CDCA7L: variants seen among roughly 807,000 people sequenced by gnomAD.
The protein encoded by CDCA7L is cell division cycle associated 7 like.
Under a neutral mutation model 57.4 loss-of-function variants are expected in CDCA7L, and 44 were observed. The ratio of observed to expected loss-of-function variants is 0.77; its 90% CI spans 0.60 to 0.98. CDCA7L has a LOEUF of 0.98. Ranked by LOEUF, CDCA7L falls within the 50% of genes least tolerant of loss-of-function variation. CDCA7L has a pLI of 0.00. For missense variants in CDCA7L, 644 were observed against 580.6 expected, an observed-to-expected ratio of 1.11 and a Z score of -1.12; for synonymous variants, 236 against 202.8, an observed-to-expected ratio of 1.16 and a Z score of -1.39.
chr7:21,902,699 T>TGTTTGTTCCTTCC (rs1445356563), intron 9 of CDCA7L: 2 of 488,970 alleles, frequency 4.1e-6, no homozygotes, highest in Non-Finnish European at 7.3e-6. Flanking sequence ...CTGCCTTGTT[T>TGTTTGTTCCTTCC]GTTTGTTCCT....
At chr7:21,916,609 A>G in intron 2 of CDCA7L, 145 bp downstream of exon 2, 1 of 721,844 alleles carries the variant, frequency 1.4e-6, no homozygotes, top group Non-Finnish European at 2.3e-6. Flanking sequence ...TTAAAACAGG[A>G]AGACACAGAC....
chr7:21,942,800 A>C, intron 1 of CDCA7L, among the ~76,000 whole-genome samples: 1 of 152,180 alleles, frequency 6.6e-6, no homozygotes, highest in East Asian at 1.9e-4. Context: ...TTTTAAATAC[A>C]AGACTATTAG....
chr7:21,905,019 A>G (rs1293249392), intron 7 of CDCA7L, among the ~76,000 whole-genome samples: 1 of 152,122 alleles, frequency 6.6e-6, no homozygotes, highest in Admixed American at 6.6e-5. Flanking sequence ...AAATATTGGC[A>G]ACTAAATTTA....
intron 1 of CDCA7L, among the ~76,000 whole-genome samples, chr7:21,945,226 G>C (rs578195322): frequency 1.3e-5 from 2 of 151,956 alleles, no homozygotes; most frequent in Admixed American, 6.6e-5. Flanking sequence ...TGTTTAACTC[G>C]GCCCAATGAC....
chr7:21,910,578 G>A (rs1012254644), intron 3 of CDCA7L, among the ~76,000 whole-genome samples: 1 of 152,188 alleles, frequency 6.6e-6, no homozygotes, highest in African/African-American at 2.4e-5. Context: ...TCTTCATACT[G>A]AAGAAGATAG....
chr7:21,925,881 AAAG>A (rs1785810012), intron 1 of CDCA7L, among the ~76,000 whole-genome samples: 1 of 152,162 alleles, frequency 6.6e-6, no homozygotes, highest in African/African-American at 2.4e-5. Flanking sequence ...TCAAACAATT[AAAG>A]AAGAAAAAAA....
chr7:21,938,627 T>C (rs1261937469), intron 1 of CDCA7L, among the ~76,000 whole-genome samples: 1 of 152,158 alleles, frequency 6.6e-6, no homozygotes, highest in Non-Finnish European at 1.5e-5. Context: ...GTATTTACAA[T>C]AGCCAAAAGG....
chr7:21,909,097 C>G (rs1167693691), intron 3 of CDCA7L, among the ~76,000 whole-genome samples: 1 of 152,224 alleles, frequency 6.6e-6, no homozygotes, highest in African/African-American at 2.4e-5. Flanking sequence ...GGTCACAAAG[C>G]TCTACAGGTT....
chr7:21,902,478 C>A (rs1483988075), intron 9 of CDCA7L, 126 bp from the exon 10 acceptor site: 2 of 926,424 alleles, frequency 2.2e-6, no homozygotes, highest in Non-Finnish European at 3.5e-6. Context: ...CACTCGAAAT[C>A]CTGACAATTT....
At chr7:21,906,779 T>C in intron 4 of CDCA7L, 140 bp from the exon 5 acceptor site, 1 of 723,056 alleles carries the variant, frequency 1.4e-6, no homozygotes. Flanking sequence ...ACAGTTATAC[T>C]TTTAACCTCA....
chr7:21,925,560 A>T (rs1293429023), intron 1 of CDCA7L, among the ~76,000 whole-genome samples: 1 of 152,240 alleles, frequency 6.6e-6, no homozygotes, highest in Non-Finnish European at 1.5e-5. Context: ...GAAGGCGTAT[A>T]TGAATTACTA....
At chr7:21,919,750 G>A (rs1200532626) in intron 1 of CDCA7L, among the ~76,000 whole-genome samples, 5 of 151,956 alleles carry the variant, frequency 3.3e-5, no homozygotes, top group Admixed American at 3.3e-4. Flanking sequence ...TCCATGTGGT[G>A]CTCTATCTAC....
intron 1 of CDCA7L, among the ~76,000 whole-genome samples, chr7:21,932,783 A>G (rs1365156032): frequency 6.6e-6 from 1 of 152,234 alleles, no homozygotes; most frequent in Non-Finnish European, 1.5e-5. Flanking sequence ...AATGGCAACA[A>G]AAGCCAGAAT....
intron 8 of CDCA7L, 47 bp from the exon 9 acceptor site, chr7:21,903,161 C>A: frequency 6.4e-7 from 1 of 1,572,944 alleles, no homozygotes; most frequent in South Asian, 1.2e-5. Flanking sequence ...TCTACAGGGT[C>A]TGGCAAGAAC....
rs2128054939 is a variant in CDCA7L, at chr7:21,902,182, C to G, written c.*140G>C. ...AAATCTTTGTAAGCATATAAACAATCTTTAACAAAAAATAGTAATTTCTAC... is the reference window on the plus strand; with the variant it reads ...AAATCTTTGTAAGCATATAAACAATGTTTAACAAAAAATAGTAATTTCTAC... On this transcript the variant is annotated 3_prime_UTR_variant, in exon 10 of 10. Transcript: ENST00000406877. The G allele has an allele frequency of 1.2e-6, 1 of 843,228 alleles. No homozygotes were observed. The highest frequency in any genetic ancestry group is 1.7e-5 in the African/African-American group (1 of 58,996). 52.2% of individuals were successfully genotyped at this position (843,228 alleles called of 1,614,324 possible).
chr7:21,944,588 A>T lies in CDCA7L; in HGVS notation c.24+1193T>A, dbSNP rs566621260. The T allele has an allele frequency of 2.6e-5, 4 of 152,226 alleles. No individual in the cohort carries two copies. In the East Asian group the frequency reaches 5.8e-4, roughly 22 times the overall value. The allele number at this position is 152,226 out of a possible 1,614,324, so 9.4% of individuals were successfully genotyped here. ...TAGTTTATCTCACAGGAGGCATTTT[A>T]AAAATATTCTCAGAAACATCAACAA... On this transcript the variant is annotated intron_variant, in intron 1 of 9. Transcript: ENST00000406877.
In CDCA7L at chr7:21,945,823, A is replaced by C; in HGVS notation, c.-19T>G. 6.3e-7 allele frequency: 1 copy of C among 1,597,586 alleles called. No homozygotes were observed. Among genetic ancestry groups the C allele is most frequent in the East Asian group, 2.3e-5 (1 of 42,876 alleles). ...ACTCCATTCTTCCTAACCGGGCTCC[A>C]GTCTCCTCCCAGCACGCGGCCACGG... On this transcript the variant is annotated 5_prime_UTR_variant, in exon 1 of 10. Coordinates refer to ENST00000406877, the MANE Select transcript of CDCA7L (RefSeq NM_018719.5).
chr7:21,929,497 A>T (rs1785935351), intron 1 of CDCA7L, among the ~76,000 whole-genome samples: 2 of 152,150 alleles, frequency 1.3e-5, no homozygotes, highest in Non-Finnish European at 2.9e-5. Context: ...CCCAATTAAA[A>T]GACACAGACC....
At chr7:21,936,254 A>C (rs1433485753) in intron 1 of CDCA7L, among the ~76,000 whole-genome samples, 3 of 152,206 alleles carry the variant, frequency 2.0e-5, no homozygotes, top group Non-Finnish European at 2.9e-5. Context: ...CAAACATTTA[A>C]AGAAGAACAA....
Sources: gnomAD v4.1 joint callset for allele counts (sites outside exome capture counted in the v4.1 genomes callset) on GRCh38, gnomAD v4.1.1 for gene constraint, MANE v1.5 for transcripts, NCBI Gene and HGNC (gene_info 2026-07-23, HGNC 2026-07-21) for gene names.